LIN7A: variants seen among roughly 807,000 people sequenced by gnomAD.
The protein encoded by LIN7A is lin-7 cell polarity scaffold A.
Under a neutral mutation model 29.8 loss-of-function variants are expected in LIN7A, and 25 were observed. That is an observed-to-expected ratio of 0.84 (90% CI 0.61 to 1.17). The LOEUF is 1.17. LIN7A is among the 50% of genes most tolerant of loss of function. LIN7A has a pLI of 0.00. For synonymous variants in LIN7A, 118 were observed against 107.5 expected, an observed-to-expected ratio of 1.10 and a Z score of -0.60; for missense variants, 239 against 287.0, an observed-to-expected ratio of 0.83 and a Z score of 1.21.
intron 2 of LIN7A, among the ~76,000 whole-genome samples, chr12:80,880,193 C>T (rs1277543367): frequency 6.6e-6 from 1 of 152,060 alleles, no homozygotes; most frequent in Non-Finnish European, 1.5e-5. Flanking sequence ...TTTCTTCCTC[C>T]AAAATGACAG....
chr12:80,824,085 A>G (rs1405672237), intron 4 of LIN7A, among the ~76,000 whole-genome samples: 1 of 152,194 alleles, frequency 6.6e-6, no homozygotes, highest in Non-Finnish European at 1.5e-5. Flanking sequence ...CAAGAAGCTG[A>G]TTATTTGAAA....
intron 1 of LIN7A, among the ~76,000 whole-genome samples, chr12:80,890,651 C>A (rs182108012): frequency 6.6e-6 from 1 of 152,078 alleles, no homozygotes; most frequent in Admixed American, 6.5e-5. Context: ...GACTGCCAAT[C>A]GTGGGCCAAA....
intron 1 of LIN7A, among the ~76,000 whole-genome samples, chr12:80,898,309 A>G (rs561612568): frequency 3.9e-5 from 6 of 151,968 alleles, no homozygotes; most frequent in African/African-American, 1.4e-4. Flanking sequence ...TGGGCTCTCT[A>G]TTCTGTTCTA....
chr12:80,816,563 A>G (rs1453628590), intron 4 of LIN7A, among the ~76,000 whole-genome samples: 1 of 152,218 alleles, frequency 6.6e-6, no homozygotes, highest in Non-Finnish European at 1.5e-5. Context: ...TATAAAAACC[A>G]TACAAACTGG....
At chr12:80,935,696 T>G (rs1173351483) in intron 1 of LIN7A, 1 of 433,050 alleles carries the variant, frequency 2.3e-6, no homozygotes. Flanking sequence ...ACCCATCATC[T>G]CTTGGTTATA....
chr12:80,930,084 A>G (rs1392779344), intron 1 of LIN7A, among the ~76,000 whole-genome samples: 4 of 152,222 alleles, frequency 2.6e-5, no homozygotes, highest in Non-Finnish European at 5.9e-5. Flanking sequence ...AAGATGTTAT[A>G]TTGAAATATA....
intron 2 of LIN7A, among the ~76,000 whole-genome samples, chr12:80,865,118 T>A (rs749043205): frequency 1.1e-4 from 16 of 152,198 alleles, no homozygotes; most frequent in Non-Finnish European, 2.1e-4. Context: ...ATTCCATGCC[T>A]GTTTCAAAGT....
chr12:80,898,293 T>C (rs772561013), intron 1 of LIN7A, among the ~76,000 whole-genome samples: 2 of 152,200 alleles, frequency 1.3e-5, no homozygotes, highest in Admixed American at 1.3e-4. Flanking sequence ...TGTGCAACAT[T>C]ATTTCTGGGC....
At chr12:80,905,384 G>T (rs775039181) in intron 1 of LIN7A, among the ~76,000 whole-genome samples, 1 of 152,020 alleles carries the variant, frequency 6.6e-6, no homozygotes, top group Non-Finnish European at 1.5e-5. Flanking sequence ...ATTGGTCAGA[G>T]AAAATTACCA....
chr12:80,901,830 A>T (rs1592937136), intron 1 of LIN7A, among the ~76,000 whole-genome samples: 1 of 152,194 alleles, frequency 6.6e-6, no homozygotes, highest in East Asian at 1.9e-4. Flanking sequence ...TTACTATATC[A>T]TACTGTCATC....
At chr12:80,919,793 G>GACT (rs1877209003) in intron 1 of LIN7A, among the ~76,000 whole-genome samples, 1 of 152,134 alleles carries the variant, frequency 6.6e-6, no homozygotes, top group Non-Finnish European at 1.5e-5. Flanking sequence ...CCAAAGAAAG[G>GACT]CAGGATCCTG....
At chr12:80,866,047 G>T (rs1874121321) in intron 2 of LIN7A, among the ~76,000 whole-genome samples, 1 of 152,126 alleles carries the variant, frequency 6.6e-6, no homozygotes, top group Non-Finnish European at 1.5e-5. Context: ...GTGTGCAGGT[G>T]GGGGGATTTG....
intron 4 of LIN7A, among the ~76,000 whole-genome samples, chr12:80,828,368 C>T (rs1402515719): frequency 1.3e-5 from 2 of 151,886 alleles, no homozygotes; most frequent in Admixed American, 6.6e-5. Context: ...TTAAATGCAC[C>T]ATATATAGAA....
chr12:80,877,591 A>G (rs907169115), intron 2 of LIN7A, among the ~76,000 whole-genome samples: 7 of 152,136 alleles, frequency 4.6e-5, no homozygotes, highest in African/African-American at 7.2e-5. Context: ...ATATTTCCCT[A>G]TGAGACAAAA....
intron 2 of LIN7A, among the ~76,000 whole-genome samples, chr12:80,858,193 A>G (rs1187198180): frequency 1.3e-5 from 2 of 152,196 alleles, no homozygotes; most frequent in East Asian, 3.8e-4. Flanking sequence ...AAGTAAATAG[A>G]ATATACTTTG....
intron 4 of LIN7A, among the ~76,000 whole-genome samples, chr12:80,845,402 T>C (rs1307613200): frequency 6.6e-6 from 1 of 152,204 alleles, no homozygotes; most frequent in African/African-American, 2.4e-5. Flanking sequence ...TATTTGCTTA[T>C]AGTAACTTAG....
At chr12:80,929,335 C>T (rs1877765514) in intron 1 of LIN7A, among the ~76,000 whole-genome samples, 1 of 152,122 alleles carries the variant, frequency 6.6e-6, no homozygotes, top group Non-Finnish European at 1.5e-5. Context: ...TTGTAACCTG[C>T]CATTCAAGCT....
chr12:80,808,802 G>A (rs1163071168), intron 5 of LIN7A, among the ~76,000 whole-genome samples: 1 of 151,952 alleles, frequency 6.6e-6, no homozygotes, highest in African/African-American at 2.4e-5. Flanking sequence ...ACCACGCTTG[G>A]CTCCCAATAA....
chr12:80,873,416 C>G (rs2120513254), intron 2 of LIN7A, among the ~76,000 whole-genome samples: 1 of 151,722 alleles, frequency 6.6e-6, no homozygotes, highest in East Asian at 1.9e-4. Flanking sequence ...GCCTGTAGTT[C>G]TAACTACTCA....
Sources: gnomAD v4.1 joint callset for allele counts (sites outside exome capture counted in the v4.1 genomes callset) on GRCh38, gnomAD v4.1.1 for gene constraint, MANE v1.5 for transcripts, NCBI Gene and HGNC (gene_info 2026-07-23, HGNC 2026-07-21) for gene names.